Variants in PCDHGA3 observed in about 807,000 individuals in gnomAD.
PCDHGA3 encodes protocadherin gamma-A3.
In PCDHGA3, 40 loss-of-function variants were observed where a neutral mutation model predicts 58.5. The observed-to-expected ratio is 0.68, with a 90% CI of 0.53 to 0.89. The LOEUF is 0.89. PCDHGA3 is among the 40% of genes least tolerant of loss of function. The pLI is 0.00. For synonymous variants in PCDHGA3, 530 were observed against 525.7 expected, an observed-to-expected ratio of 1.01 and a Z score of -0.11; for missense variants, 1,223 against 1,195.9, an observed-to-expected ratio of 1.02 and a Z score of -0.33.
In PCDHGA3 at chr5:141,485,513, T is replaced by C. The variant is rs751762068; in HGVS notation, c.2425-9294T>C. The C allele has an allele frequency of 4.3e-6, 7 of 1,613,938 alleles. No homozygotes were observed. The highest frequency in any genetic ancestry group is 2.2e-5 in the East Asian group (1 of 44,890). On this transcript the variant is annotated intron_variant, in intron 1 of 3. Coordinates refer to ENST00000253812, the MANE Select transcript of PCDHGA3 (RefSeq NM_018916.4). The surrounding 1 kb of genome is among the most constrained non-coding windows in gnomAD (Gnocchi z 5.7). ...CCTGGAGTTTGTCACCGAAGGTCCTTTGGAAATGTACCGAGCAGAGGTAGA... is the reference window on the plus strand; with the variant it reads ...CCTGGAGTTTGTCACCGAAGGTCCTCTGGAAATGTACCGAGCAGAGGTAGA...
chr5:141,432,511 C>T lies in PCDHGA3; in HGVS notation c.2425-62296C>T. ...AGCTGGCTCCCCGCTCCGCAGAGCC[C>T]GGCTACCTGGTGACCAAGGTGGTGG... is the stretch of plus-strand genomic sequence containing the variant. On this transcript the variant is annotated intron_variant, in intron 1 of 3. Coordinates refer to ENST00000253812, the MANE Select transcript of PCDHGA3 (RefSeq NM_018916.4). This position sits in a 1 kb window ranked among gnomAD's most constrained non-coding sequence, Gnocchi z 6.0. 1 of 1,614,118 alleles carries T rather than the reference C, an allele frequency of 6.2e-7. No homozygotes were observed. The highest frequency in any genetic ancestry group is 8.5e-7 in the Non-Finnish European group (1 of 1,180,042).
At position 141,489,559 on chromosome 5, in the gene PCDHGA3, C is replaced by A; in HGVS notation, c.2425-5248C>A. ...CAGCACCAGCTGCCTGCTGCCAGTG[C>A]AGGTGGTGACTGAACACCCCCTGGA... On this transcript the variant is annotated intron_variant, in intron 1 of 3. Coordinates refer to ENST00000253812, the MANE Select transcript of PCDHGA3 (RefSeq NM_018916.4). This position sits in a 1 kb window ranked among gnomAD's most constrained non-coding sequence, Gnocchi z 4.5. The A allele has an allele frequency of 6.2e-7, 1 of 1,614,078 alleles. No homozygotes were observed. The highest frequency in any genetic ancestry group is 8.5e-7 in the Non-Finnish European group (1 of 1,180,014).
chr5:141,392,187 AT>A (rs1221931532), intron 1 of PCDHGA3: 1 of 152,234 alleles, frequency 6.6e-6, no homozygotes, highest in Non-Finnish European at 1.5e-5. Context: ...CAGTAGGTCT[AT>A]TTTAGTCTCA....
At chr5:141,421,238 G>A (rs920128735) in intron 1 of PCDHGA3, 1 of 1,597,540 alleles carries the variant, frequency 6.3e-7, no homozygotes, top group African/African-American at 1.3e-5. Context: ...ATGGCGAATC[G>A]GCTACAGCGC....
At chr5:141,406,567 T>A (rs1270084196) in intron 1 of PCDHGA3, among the ~76,000 whole-genome samples, 2 of 152,224 alleles carry the variant, frequency 1.3e-5, no homozygotes, top group African/African-American at 4.8e-5. Context: ...TTCCAAACCC[T>A]AGTAAACCAA....
At chr5:141,376,171 G>T (rs758847977) in intron 1 of PCDHGA3, 1 of 1,614,096 alleles carries the variant, frequency 6.2e-7, no homozygotes, top group South Asian at 1.1e-5. Context: ...TGGTGGTGGC[G>T]GTGGCCGCGG....
intron 2 of PCDHGA3, among the ~76,000 whole-genome samples, chr5:141,499,015 AG>A (rs2099788530): frequency 6.6e-6 from 1 of 151,284 alleles, no homozygotes; most frequent in Non-Finnish European, 1.5e-5. Context: ...GAAGGAAGGA[AG>A]GAAGGAAGGA....
chr5:141,379,154 T>A (rs1446393150), intron 1 of PCDHGA3: 4 of 152,232 alleles, frequency 2.6e-5, no homozygotes, highest in Non-Finnish European at 5.9e-5. Context: ...GTAACCTGAC[T>A]TTGTCAGTCT....
intron 1 of PCDHGA3, among the ~76,000 whole-genome samples, chr5:141,380,184 G>A (rs1776280762): frequency 6.6e-6 from 1 of 152,160 alleles, no homozygotes; most frequent in South Asian, 2.1e-4. Flanking sequence ...ACAGGCATGA[G>A]CCACTGAGCC....
intron 1 of PCDHGA3, chr5:141,361,641 A>G (rs1377463316): frequency 5.6e-6 from 9 of 1,613,720 alleles, no homozygotes; most frequent in Admixed American, 5.0e-5. Context: ...GGGAGATTTT[A>G]TCCTACGTGT....
chr5:141,400,713 T>G (rs1225008709), intron 1 of PCDHGA3: 1 of 686,914 alleles, frequency 1.5e-6, no homozygotes, highest in Admixed American at 3.0e-5. Flanking sequence ...GAAGTAGCCT[T>G]ATAGATTTAC....
chr5:141,382,453 G>A (rs1300977672), intron 1 of PCDHGA3, among the ~76,000 whole-genome samples: 1 of 152,202 alleles, frequency 6.6e-6, no homozygotes, highest in Non-Finnish European at 1.5e-5. Flanking sequence ...GCAAGGCAAA[G>A]CAGTTTTTTA....
Position 141,430,964 on chromosome 5 carries a change from A to G in PCDHGA3, c.2425-63843A>G, listed in dbSNP as rs547574367. The G allele has an allele frequency of 7.3e-5, 117 of 1,612,860 alleles. No homozygotes were observed. The South Asian group carries it at 1.2e-3, about 17-fold the overall frequency. On this transcript the variant is annotated intron_variant, in intron 1 of 3. Coordinates refer to ENST00000253812, the MANE Select transcript of PCDHGA3 (RefSeq NM_018916.4). The stretch of plus-strand genomic sequence containing the variant: ...GGAGCGCGGAGTCCGCATCATCCCC[A>G]GAGGTAGGACGCAGCTTTTCGCCCT...
At position 141,345,797 on chromosome 5, in the gene PCDHGA3, G is replaced by A. The variant is rs756844762; in HGVS notation, c.1764G>A (p.Val588=). ...GCTCCGCAGAGCCCGGCTACCTGGT[G>A]ACCAAGGTGGTGGCGGTGGACAGAG... is the stretch of plus-strand genomic sequence containing the variant. The part of the protein sequence containing the change: ...APRSAEPGYL[V]TKVVAVDRDS... Residue 588 remains valine, a synonymous_variant, in exon 1 of 4, where the codon GTG becomes GTA. Transcript: ENST00000253812. The A allele has an allele frequency of 1.6e-5, 26 of 1,613,910 alleles. No homozygotes were observed. The African/African-American group carries it at 2.0e-4, about 12-fold the overall frequency.
intron 1 of PCDHGA3, among the ~76,000 whole-genome samples, chr5:141,464,921 G>A (rs1562002597): frequency 6.6e-6 from 1 of 151,106 alleles, no homozygotes; most frequent in Non-Finnish European, 1.5e-5. Flanking sequence ...TTATTTTTTT[G>A]TAGAGATGTG....
At chr5:141,403,223 G>C (rs1414315950) in intron 1 of PCDHGA3, 2 of 1,613,968 alleles carry the variant, frequency 1.2e-6, no homozygotes, top group Non-Finnish European at 8.5e-7. Flanking sequence ...GGGTAGGATA[G>C]ACCGGGAGGA....
intron 1 of PCDHGA3, chr5:141,399,734 C>T: frequency 6.2e-7 from 1 of 1,613,338 alleles, no homozygotes; most frequent in Non-Finnish European, 8.5e-7. Context: ...CAGGGCTCGC[C>T]TGCGCTCAGC....
chr5:141,408,133 T>A, intron 1 of PCDHGA3: 5 of 1,483,848 alleles, frequency 3.4e-6, no homozygotes, highest in Non-Finnish European at 4.5e-6. Context: ...GGCCGAATGC[T>A]CTTTTAGCGC....
chr5:141,428,110 C>G (rs917739943), intron 1 of PCDHGA3: 11 of 1,607,538 alleles, frequency 6.8e-6, no homozygotes, highest in Middle Eastern at 3.4e-4. Context: ...GTGCTGCAGG[C>G]CATCGAGCCC....
Sources: gnomAD v4.1 joint callset for allele counts (sites outside exome capture counted in the v4.1 genomes callset) on GRCh38, gnomAD v4.1.1 for gene constraint, Gnocchi (gnomAD v3.1) non-coding constraint, MANE v1.5 for transcripts, NCBI Gene and HGNC (gene_info 2026-07-23, HGNC 2026-07-21) for gene names.